NKAIN3: variants seen among roughly 807,000 people sequenced by gnomAD.
NKAIN3 encodes sodium/potassium-transporting ATPase subunit beta-1-interacting protein 3.
NKAIN3 carries 25 observed loss-of-function variants against 30.2 expected under a neutral mutation model. The observed-to-expected ratio is 0.83, with a 90% CI of 0.60 to 1.16. The LOEUF is 1.16. NKAIN3 is among the 50% of genes most tolerant of loss of function. The pLI is 0.00. For synonymous variants in NKAIN3, 91 were observed against 89.6 expected, an observed-to-expected ratio of 1.02 and a Z score of -0.09; for missense variants, 225 against 254.1, an observed-to-expected ratio of 0.89 and a Z score of 0.78.
chr8:62,776,279 A>G (rs917128143), intron 4 of NKAIN3, among the ~76,000 whole-genome samples: 7 of 152,004 alleles, frequency 4.6e-5, no homozygotes, highest in African/African-American at 1.7e-4. Flanking sequence ...TTTACACTCA[A>G]TGTTATTATG....
chr8:62,642,474 C>T (rs538110464), intron 3 of NKAIN3, among the ~76,000 whole-genome samples: 20 of 151,994 alleles, frequency 1.3e-4, no homozygotes, highest in Non-Finnish European at 2.9e-4. Flanking sequence ...TGGTGCTGAC[C>T]TCTGACTGCC....
chr8:62,648,975 A>G (rs115294443), intron 3 of NKAIN3, among the ~76,000 whole-genome samples: 171 of 152,296 alleles, frequency 1.1e-3, no homozygotes, highest in African/African-American at 3.9e-3. Flanking sequence ...GTAAGCCTCA[A>G]TGGATTCTCT....
chr8:62,449,315 A>T (rs907285802), intron 1 of NKAIN3, among the ~76,000 whole-genome samples: 1 of 152,020 alleles, frequency 6.6e-6, no homozygotes, highest in Non-Finnish European at 1.5e-5. Flanking sequence ...TAATCTATTA[A>T]ATCGTGTCTA....
intron 2 of NKAIN3, among the ~76,000 whole-genome samples, chr8:62,583,370 A>C (rs1454953737): frequency 6.6e-6 from 1 of 152,164 alleles, no homozygotes; most frequent in Non-Finnish European, 1.5e-5. Flanking sequence ...GTTTTTGCTC[A>C]TCTTGATGGT....
Position 62,312,724 on chromosome 8 carries a change from G to A in NKAIN3, c.54+63597G>A, listed in dbSNP as rs149486629. Among the ~76,000 whole-genome samples the A allele has an allele frequency of 8.9e-3, 1,360 of 152,030 alleles. 29 individuals are homozygous for A. Among genetic ancestry groups the A allele is most frequent in the African/African-American group, 0.031 (1,286 of 41,470 alleles). On this transcript the variant is annotated intron_variant, in intron 1 of 6. Transcript: ENST00000623646. ...CCCAGCTACCTGGGAGGTTGAGGTG[G>A]GAGGATCACCTGAGCCTGGGGAGAT...
chr8:62,291,814 C>T (rs1813646830), intron 1 of NKAIN3, among the ~76,000 whole-genome samples: 1 of 152,142 alleles, frequency 6.6e-6, no homozygotes, highest in African/African-American at 2.4e-5. Flanking sequence ...TCTCGTTGAT[C>T]TGTCTAATGT....
intron 1 of NKAIN3, among the ~76,000 whole-genome samples, chr8:62,345,815 A>T (rs796496741): frequency 1.3e-5 from 2 of 151,990 alleles, no homozygotes; most frequent in African/African-American, 4.8e-5. Flanking sequence ...GTTGAAGAAA[A>T]ATAAAACAGT....
In NKAIN3 at chr8:62,982,634, C is replaced by T. The variant is rs1824113074; in HGVS notation, c.*17227C>T. On this transcript the variant is annotated 3_prime_UTR_variant, in exon 7 of 7. Transcript: ENST00000623646. Reference sequence around the variant, plus strand: ...AGATTTTCAAGATTGTGAGTCCTGACATGAGTTCTCTAGAATTTTCCCCTT... The same window carrying T: ...AGATTTTCAAGATTGTGAGTCCTGATATGAGTTCTCTAGAATTTTCCCCTT... The T allele has an allele frequency of 6.6e-6, 1 of 152,210 alleles. No individual in the cohort carries two copies. Among genetic ancestry groups the T allele is most frequent in the Non-Finnish European group, 1.5e-5 (1 of 68,038 alleles). 9.4% of individuals were successfully genotyped at this position (152,210 alleles called of 1,614,324 possible).
At chr8:62,808,579 C>A (rs1818380396) in intron 4 of NKAIN3, among the ~76,000 whole-genome samples, 1 of 152,062 alleles carries the variant, frequency 6.6e-6, no homozygotes, top group Non-Finnish European at 1.5e-5. Flanking sequence ...AGCTGAGTGT[C>A]TGGGGGAGAC....
chr8:62,489,469 C>T lies in NKAIN3; in HGVS notation c.55-90070C>T, dbSNP rs374282934. Among the ~76,000 whole-genome samples the T allele has an allele frequency of 1.1e-4, 17 of 152,256 alleles. No homozygotes were observed. In the South Asian group the frequency reaches 1.7e-3, roughly 15 times the overall value. ...ATATAGGAACATGTCTCAGAATGAACGGAAACTCTAAGGGTCTCTGAAGGT... is the reference window on the plus strand; with the variant it reads ...ATATAGGAACATGTCTCAGAATGAATGGAAACTCTAAGGGTCTCTGAAGGT... On this transcript the variant is annotated intron_variant, in intron 1 of 6. Coordinates refer to ENST00000623646, the MANE Select transcript of NKAIN3 (RefSeq NM_001304533.3).
chr8:62,272,805 A>AT (rs953732559), intron 1 of NKAIN3, among the ~76,000 whole-genome samples: 1 of 152,014 alleles, frequency 6.6e-6, no homozygotes, highest in South Asian at 2.1e-4. Flanking sequence ...CATAGCTACT[A>AT]TTTTTTCCTT....
intron 1 of NKAIN3, among the ~76,000 whole-genome samples, chr8:62,441,257 T>A (rs1443801103): frequency 3.3e-5 from 5 of 152,094 alleles, no homozygotes. Flanking sequence ...GGGATTTTGT[T>A]TTATTTTATT....
chr8:62,359,055 G>A (rs549942372), intron 1 of NKAIN3, among the ~76,000 whole-genome samples: 4 of 152,194 alleles, frequency 2.6e-5, no homozygotes, highest in Non-Finnish European at 2.9e-5. Context: ...GTGGTGGCGG[G>A]CGCCTGTATT....
intron 4 of NKAIN3, among the ~76,000 whole-genome samples, chr8:62,848,249 T>C (rs189872884): frequency 6.6e-6 from 1 of 152,240 alleles, no homozygotes; most frequent in Non-Finnish European, 1.5e-5. Context: ...GCACTGAATC[T>C]ATAAATTGCT....
chr8:62,358,402 G>A (rs1816429067), intron 1 of NKAIN3, among the ~76,000 whole-genome samples: 1 of 152,104 alleles, frequency 6.6e-6, no homozygotes, highest in Non-Finnish European at 1.5e-5. Context: ...CATTTTAATG[G>A]TGGTTGATAA....
chr8:62,808,409 A>G (rs1818374088), intron 4 of NKAIN3, among the ~76,000 whole-genome samples: 1 of 152,130 alleles, frequency 6.6e-6, no homozygotes, highest in Non-Finnish European at 1.5e-5. Flanking sequence ...TCTGGTGTCT[A>G]TTGTTGCTGT....
chr8:62,757,139 T>C (rs2130607944), intron 4 of NKAIN3, among the ~76,000 whole-genome samples: 1 of 152,284 alleles, frequency 6.6e-6, no homozygotes, highest in Non-Finnish European at 1.5e-5. Context: ...TTAGGGCTTA[T>C]GGAAATATTA....
At chr8:62,902,438 A>C (rs1821641007) in intron 4 of NKAIN3, among the ~76,000 whole-genome samples, 1 of 152,080 alleles carries the variant, frequency 6.6e-6, no homozygotes, top group South Asian at 2.1e-4. Context: ...CCCAACTTTT[A>C]CTCCAGTTTC....
chr8:62,503,301 G>A (rs921183704), intron 1 of NKAIN3, among the ~76,000 whole-genome samples: 1 of 152,194 alleles, frequency 6.6e-6, no homozygotes, highest in Non-Finnish European at 1.5e-5. Flanking sequence ...GATTTCAAAA[G>A]AGGAGGGGGT....
Sources: gnomAD v4.1 joint callset for allele counts (sites outside exome capture counted in the v4.1 genomes callset) on GRCh38, gnomAD v4.1.1 for gene constraint, MANE v1.5 for transcripts, NCBI Gene and HGNC (gene_info 2026-07-23, HGNC 2026-07-21) for gene names.